Variants in CPNE4 observed in about 807,000 individuals in gnomAD.
CPNE4 encodes the protein copine-4.
In CPNE4, 25 loss-of-function variants were observed where a neutral mutation model predicts 67.9. That is an observed-to-expected ratio of 0.37 (90% CI 0.27 to 0.51). CPNE4 has a LOEUF of 0.51. CPNE4 is among the 20% of genes least tolerant of loss of function. The pLI is 0.93. For synonymous variants in CPNE4, 242 were observed against 244.9 expected, an observed-to-expected ratio of 0.99 and a Z score of 0.11; for missense variants, 464 against 690.8, an observed-to-expected ratio of 0.67 and a Z score of 3.68.
chr3:131,761,171 T>C (rs1298944808), intron 2 of CPNE4, among the ~76,000 whole-genome samples: 2 of 148,700 alleles, frequency 1.3e-5, no homozygotes, highest in Non-Finnish European at 3.0e-5. Flanking sequence ...AGAGGGTAAG[T>C]GATGAAATAA....
chr3:131,563,840 G>A (rs890649333), intron 11 of CPNE4, among the ~76,000 whole-genome samples: 1 of 152,056 alleles, frequency 6.6e-6, no homozygotes, highest in African/African-American at 2.4e-5. Context: ...GTGCTTCTAC[G>A]ACTCTAAAGT....
At chr3:131,867,050 T>A (rs998722639) in intron 2 of CPNE4, among the ~76,000 whole-genome samples, 2 of 152,182 alleles carry the variant, frequency 1.3e-5, no homozygotes, top group African/African-American at 4.8e-5. Context: ...CTGCAACTAC[T>A]AGTGAGCAGC....
chr3:131,907,979 A>G (rs1048681501), intron 1 of CPNE4, among the ~76,000 whole-genome samples: 1 of 152,170 alleles, frequency 6.6e-6, no homozygotes, highest in African/African-American at 2.4e-5. Flanking sequence ...AAAAAATTCA[A>G]GCTCAGAGAG....
At chr3:131,782,154 G>C (rs2083445907) in intron 2 of CPNE4, among the ~76,000 whole-genome samples, 1 of 151,944 alleles carries the variant, frequency 6.6e-6, no homozygotes, top group African/African-American at 2.4e-5. Context: ...AAACTCTAAG[G>C]ACTTCCAACC....
At chr3:131,927,556 C>A (rs958364069) in intron 1 of CPNE4, among the ~76,000 whole-genome samples, 5 of 152,070 alleles carry the variant, frequency 3.3e-5, no homozygotes, top group African/African-American at 1.2e-4. Flanking sequence ...AAGGGTATAC[C>A]TTTTTTGTAT....
chr3:131,662,531 G>C (rs2080151934), intron 7 of CPNE4, among the ~76,000 whole-genome samples: 1 of 152,068 alleles, frequency 6.6e-6, no homozygotes, highest in Non-Finnish European at 1.5e-5. Context: ...TGGAGAATCA[G>C]TAGAAAGACA....
chr3:131,767,185 T>C (rs566700942), intron 2 of CPNE4, among the ~76,000 whole-genome samples: 2 of 152,192 alleles, frequency 1.3e-5, no homozygotes, highest in East Asian at 3.9e-4. Context: ...TTTGATTTTT[T>C]TGCCTGTAAC....
chr3:132,001,475 C>T (rs1003599305), intron 1 of CPNE4, among the ~76,000 whole-genome samples: 1 of 150,150 alleles, frequency 6.7e-6, no homozygotes, highest in Non-Finnish European at 1.5e-5. Context: ...TCAAAGCCTG[C>T]TGTTATGGAC....
At chr3:132,015,258 C>A (rs2107681977) in intron 1 of CPNE4, among the ~76,000 whole-genome samples, 1 of 152,034 alleles carries the variant, frequency 6.6e-6, no homozygotes, top group South Asian at 2.1e-4. Context: ...TTAGGTTTTT[C>A]TTATTTATAA....
At chr3:131,953,249 A>T (rs797013407) in intron 1 of CPNE4, among the ~76,000 whole-genome samples, 19,678 of 141,016 alleles carry the variant, frequency 0.14, 1,812 homozygotes, top group East Asian at 0.27. Flanking sequence ...TAAAAAAAAA[A>T]AAAAAAAAAA....
intron 1 of CPNE4, among the ~76,000 whole-genome samples, chr3:131,931,216 A>G (rs1252414619): frequency 3.3e-5 from 5 of 152,128 alleles, no homozygotes; most frequent in African/African-American, 9.7e-5. Flanking sequence ...AAACTCAACT[A>G]CCACTAAACA....
At chr3:131,692,573 C>T (rs1452929893) in intron 5 of CPNE4, among the ~76,000 whole-genome samples, 1 of 152,134 alleles carries the variant, frequency 6.6e-6, no homozygotes, top group Non-Finnish European at 1.5e-5. Context: ...TGGAACACTG[C>T]CACATTCATT....
intron 1 of CPNE4, among the ~76,000 whole-genome samples, chr3:132,004,295 T>C (rs2073532050): frequency 6.6e-6 from 1 of 152,160 alleles, no homozygotes. Context: ...TTTTTAAATT[T>C]AGGAAAGCAT....
chr3:131,604,164 A>G (rs1228415611), intron 7 of CPNE4, among the ~76,000 whole-genome samples: 1 of 152,138 alleles, frequency 6.6e-6, no homozygotes. Flanking sequence ...TCTAACAGAG[A>G]GGGATTTTAG....
chr3:131,876,112 G>A (rs1245665199), intron 2 of CPNE4, among the ~76,000 whole-genome samples: 1 of 151,964 alleles, frequency 6.6e-6, no homozygotes, highest in Non-Finnish European at 1.5e-5. Flanking sequence ...GGTGGCACAC[G>A]CCTGTAGTCC....
chr3:131,848,130 G>A (rs1351930707), intron 2 of CPNE4, among the ~76,000 whole-genome samples: 1 of 152,120 alleles, frequency 6.6e-6, no homozygotes, highest in Admixed American at 6.6e-5. Context: ...TCTTACGTAA[G>A]GGGAGCTTCT....
chr3:131,802,061 G>A (rs1360784708), intron 2 of CPNE4, among the ~76,000 whole-genome samples: 1 of 152,020 alleles, frequency 6.6e-6, no homozygotes, highest in Non-Finnish European at 1.5e-5. Flanking sequence ...TAAAGTAAGA[G>A]AGAAAGGTTA....
At chr3:131,567,522 A>G (rs893734166) in intron 10 of CPNE4, among the ~76,000 whole-genome samples, 8 of 152,012 alleles carry the variant, frequency 5.3e-5, no homozygotes, top group African/African-American at 1.9e-4. Context: ...CAAAATCCGC[A>G]GAGTGAGAGT....
intron 1 of CPNE4, among the ~76,000 whole-genome samples, chr3:131,998,228 G>T (rs1364865278): frequency 6.6e-6 from 1 of 152,112 alleles, no homozygotes; most frequent in Non-Finnish European, 1.5e-5. Context: ...TGATGCAGCT[G>T]CAGGCATCCT....
Sources: allele counts gnomAD v4.1 joint callset (sites outside exome capture counted in the v4.1 genomes callset), GRCh38; gene constraint gnomAD v4.1.1; transcripts MANE v1.5; gene names NCBI Gene and HGNC (gene_info 2026-07-23, HGNC 2026-07-21).